Variants in RTBDN observed in about 807,000 individuals in gnomAD.
RTBDN encodes retbindin.
Under a neutral mutation model 21.9 loss-of-function variants are expected in RTBDN, and 24 were observed. The observed-to-expected ratio is 1.10, with a 90% CI of 0.79 to 1.54. The LOEUF (loss-of-function observed/expected upper bound fraction) is 1.54, where lower values mean the gene tolerates loss of function less well. RTBDN is among the 40% of genes most tolerant of loss of function. The pLI is 0.00. For synonymous variants in RTBDN, 141 were observed against 125.9 expected, an observed-to-expected ratio of 1.12 and a Z score of -0.80; for missense variants, 325 against 315.2, an observed-to-expected ratio of 1.03 and a Z score of -0.23.
intron 4 of RTBDN, among the ~76,000 whole-genome samples, chr19:12,827,231 G>A (rs1172721886): frequency 6.6e-6 from 1 of 152,062 alleles, no homozygotes; most frequent in African/African-American, 2.4e-5. Context: ...ATGGCTTATG[G>A]CAGCTTTGAC....
intron 1 of RTBDN, among the ~76,000 whole-genome samples, chr19:12,833,548 G>T (rs1969650774): frequency 6.6e-6 from 1 of 152,112 alleles, no homozygotes. Context: ...TCTCACCAAG[G>T]GGGTCTCTGG....
intron 1 of RTBDN, chr19:12,833,858 C>T (rs1568402486): frequency 8.0e-6 from 3 of 375,726 alleles, no homozygotes; most frequent in Non-Finnish European, 1.4e-5. Flanking sequence ...CAGCCGCCGC[C>T]GCCGCCGCCG....
Position 12,830,259 on chromosome 19 carries a change from T to C in RTBDN, c.-18-262A>G. Reference sequence around the variant, plus strand: ...CAAGCTTAGACCACAGTGGCCCTCCTCCCATCCAGCAGGATCTCCCACCTT... The same window carrying C: ...CAAGCTTAGACCACAGTGGCCCTCCCCCCATCCAGCAGGATCTCCCACCTT... On this transcript the variant is annotated intron_variant, in intron 1 of 5. Transcript: ENST00000674343. The surrounding 1 kb of genome is among the most constrained non-coding windows in gnomAD (Gnocchi z 4.2). 1 of 1,216,900 alleles carries C rather than the reference T, an allele frequency of 8.2e-7. No homozygotes were observed. Among genetic ancestry groups the C allele is most frequent in the Non-Finnish European group, 1.0e-6 (1 of 974,076 alleles). 75.4% of individuals were successfully genotyped at this position (1,216,900 alleles called of 1,614,324 possible).
In RTBDN at chr19:12,825,755, A is replaced by T. The variant is rs978300496; in HGVS notation, c.641T>A (p.Leu214Gln). ...RRSRSPRTSI[L>Q]DAAGSGSGSG... ...GCCACTCCCGCTGCCCGCAGCGTCC[A>T]GGATGGAGGTGCGAGGGCTGCGGGA... is the stretch of plus-strand genomic sequence containing the variant. Residue 214 changes from leucine to glutamine, a missense_variant, in exon 6 of 6, where the codon CTG (leucine) becomes CAG (glutamine). Transcript: ENST00000674343. 1.3e-6 allele frequency: 2 copies of T among 1,598,522 alleles called. No homozygotes were observed. The highest frequency in any genetic ancestry group is 2.7e-5 in the African/African-American group (2 of 74,364).
intron 5 of RTBDN, chr19:12,826,355 TG>T: frequency 8.0e-7 from 1 of 1,256,438 alleles, no homozygotes; most frequent in Non-Finnish European, 1.0e-6. Flanking sequence ...AGCAGGGACC[TG>T]GGGAGTACCA....
chr19:12,826,112 C>A, intron 5 of RTBDN, 179 bp from the exon 6 acceptor site: 1 of 1,399,312 alleles, frequency 7.1e-7, no homozygotes, highest in East Asian at 2.7e-5. Flanking sequence ...GGTGAATGTT[C>A]TTACTGGGCC....
intron 1 of RTBDN, chr19:12,833,862 G>T (rs1038031690): frequency 3.3e-5 from 5 of 152,518 alleles, no homozygotes; most frequent in Non-Finnish European, 5.5e-5. Context: ...CGCCGCCGCC[G>T]CCGCCGCCGC....
At position 12,834,465 on chromosome 19, in the gene RTBDN, GGACGCCCTGCGT is replaced by G. The variant is rs766707117; in HGVS notation, c.-19+12_-19+23del. 1 of 1,521,896 alleles carries G rather than the reference GGACGCCCTGCGT, an allele frequency of 6.6e-7. No homozygotes were observed. The highest frequency in any genetic ancestry group is 1.2e-5 in the South Asian group (1 of 83,838). 94.3% of individuals were successfully genotyped at this position (1,521,896 alleles called of 1,614,324 possible). A position where few individuals can be genotyped will look rare whatever the true frequency, so the allele number is the denominator to read the frequency against. ...CCCAGGAGCCCCCTCCCGAGGCATA[GGACGCCCTGCGT>G]CCCCCACGCACCTGCCTGGCCATCA... On this transcript the variant is annotated intron_variant, in intron 1 of 5. Transcript: ENST00000674343. This position sits in a 1 kb window ranked among gnomAD's most constrained non-coding sequence, Gnocchi z 4.7.
intron 5 of RTBDN, 137 bp from the exon 6 acceptor site, chr19:12,826,070 C>G: frequency 7.1e-7 from 1 of 1,407,758 alleles, no homozygotes; most frequent in Middle Eastern, 1.9e-4. Context: ...AGTCTATGTG[C>G]GGAACGTGAG....
chr19:12,833,093 C>G (rs1467142325), intron 1 of RTBDN: 1 of 152,248 alleles, frequency 6.6e-6, no homozygotes, highest in Non-Finnish European at 1.5e-5. Context: ...GCTCCTTAAT[C>G]CTGACCGTGA....
upstream of RTBDN, chr19:12,835,241 A>G (rs1599570629): frequency 2.6e-6 from 2 of 778,496 alleles, no homozygotes; most frequent in East Asian, 5.2e-5. Flanking sequence ...ATGAGTTGGA[A>G]AACTAATTTG....
chr19:12,825,746 G>A lies in RTBDN; in HGVS notation c.650C>T (p.Ala217Val). 1 of 1,602,038 alleles carries A rather than the reference G, an allele frequency of 6.2e-7. No individual in the cohort carries two copies. Among genetic ancestry groups the A allele is most frequent in the African/African-American group, 1.3e-5 (1 of 74,786 alleles). The stretch of plus-strand genomic sequence containing the variant: ...GCTTCCACTGCCACTCCCGCTGCCC[G>A]CAGCGTCCAGGATGGAGGTGCGAGG... ...RSPRTSILDA[A>V]GSGSGSGSGS... The change falls in exon 6 of 6, where the codon GCG becomes GTG. Residue 217 changes from alanine to valine, a missense_variant. Ala to Val is a moderately conservative substitution (Grantham distance 64). Transcript: ENST00000674343.
intron 4 of RTBDN, among the ~76,000 whole-genome samples, chr19:12,827,387 A>G (rs572866138): frequency 6.7e-6 from 1 of 148,818 alleles, no homozygotes; most frequent in South Asian, 2.1e-4. Context: ...CAGTGGCCCA[A>G]TCTCTGCTTC....
rs1049112480 is a variant in RTBDN, at chr19:12,830,455, G to A, written c.-18-458C>T. The A allele has an allele frequency of 8.1e-6, 8 of 987,580 alleles. No individual in the cohort carries two copies. In the Admixed American group the frequency reaches 1.8e-4, roughly 22 times the overall value. The allele number at this position is 987,580 out of a possible 1,614,324, so 61.2% of individuals were successfully genotyped here. On this transcript the variant is annotated intron_variant, in intron 1 of 5. Coordinates refer to ENST00000674343, the MANE Select transcript of RTBDN (RefSeq NM_001270441.2). This position sits in a 1 kb window ranked among gnomAD's most constrained non-coding sequence, Gnocchi z 4.2. The stretch of plus-strand genomic sequence containing the variant: ...GGTCACCTTCTCTCGGCCCACAATC[G>A]GCTTAGGGGCCACCCAGAGCTGGAC...
chr19:12,829,470 T>C (rs1969466555), intron 2 of RTBDN, among the ~76,000 whole-genome samples: 1 of 152,228 alleles, frequency 6.6e-6, no homozygotes, highest in Admixed American at 6.5e-5. Context: ...CCCAAAGTGC[T>C]GGGATTATAG....
At chr19:12,835,195 G>T, upstream of RTBDN, 1 of 1,208,086 alleles carries the variant, frequency 8.3e-7, no homozygotes, top group Non-Finnish European at 1.2e-6. Context: ...CTGCAGGAAG[G>T]ACCTTCCAGG....
At chr19:12,827,087 C>T (rs1246373051) in intron 4 of RTBDN, among the ~76,000 whole-genome samples, 1 of 152,138 alleles carries the variant, frequency 6.6e-6, no homozygotes, top group African/African-American at 2.4e-5. Flanking sequence ...TCACAACTGG[C>T]CTTGTCCCTA....
In RTBDN at chr19:12,825,789, AG is replaced by A; in HGVS notation, c.606del (p.Ser203ProfsTer60). On this transcript the variant is annotated frameshift_variant, in exon 6 of 6. Coordinates refer to ENST00000674343, the MANE Select transcript of RTBDN (RefSeq NM_001270441.2). LOFTEE classifies it low-confidence loss of function (END_TRUNC). ...PRPGRRGREA[P>X]SRRSRSPRTS... ...GTGCGAGGGCTGCGGGAACGCCGGG[AG>A]GGAGCTTCCCGGCCCCGTCGTCCTG... The A allele has an allele frequency of 6.2e-7, 1 of 1,610,986 alleles. No individual in the cohort carries two copies. Among genetic ancestry groups the A allele is most frequent in the Non-Finnish European group, 8.5e-7 (1 of 1,178,204 alleles).
chr19:12,834,908 G>A, upstream of RTBDN: 1 of 1,590,170 alleles, frequency 6.3e-7, no homozygotes, highest in Non-Finnish European at 8.6e-7. This position sits in a 1 kb window ranked among gnomAD's most constrained non-coding sequence, Gnocchi z 4.7. Context: ...CATCCCAGAG[G>A]GGAAGGTGAT....
Sources: gnomAD v4.1 joint callset for allele counts (sites outside exome capture counted in the v4.1 genomes callset) on GRCh38, gnomAD v4.1.1 for gene constraint, Gnocchi (gnomAD v3.1) non-coding constraint, MANE v1.5 for transcripts, NCBI Gene and HGNC (gene_info 2026-07-23, HGNC 2026-07-21) for gene names.